PEX3: variants seen among roughly 807,000 people sequenced by gnomAD.
The protein encoded by PEX3 is peroxisomal biogenesis factor 3.
In PEX3, 30 loss-of-function variants were observed where a neutral mutation model predicts 55.8. The ratio of observed to expected loss-of-function variants is 0.54; its 90% CI spans 0.40 to 0.73. The LOEUF is 0.73. Among genes scored for constraint, PEX3 ranks in the 30% least tolerant of loss-of-function variants. PEX3 has a pLI of 0.00. For missense variants in PEX3, 351 were observed against 432.8 expected (o/e 0.81, Z 1.68); for synonymous variants, 135 against 148.4 (o/e 0.91, Z 0.66).
rs941009589 is a variant in PEX3 at position 143,459,349 on chromosome 6, C to G, written c.205+133C>G. 6.6e-6 allele frequency: 5 copies of G among 761,118 alleles called. No individual in the cohort carries two copies. The highest frequency in any genetic ancestry group is 9.2e-6 in the Non-Finnish European group (4 of 434,040). The allele number at this position is 761,118 out of a possible 1,614,324, so 47.1% of individuals were successfully genotyped here. ...TCTAGCAAGTGTTTGAATGATTTAA[C>G]TGAATTACATCATTTTAATGTGAAT... On this transcript the variant is annotated intron_variant, in intron 2 of 11. Coordinates refer to ENST00000367591, the MANE Select transcript of PEX3 (RefSeq NM_003630.3). This position sits in a 1 kb window ranked among gnomAD's most constrained non-coding sequence, Gnocchi z 4.2.
At chr6:143,456,471 C>A (rs535801425) in intron 1 of PEX3, among the ~76,000 whole-genome samples, 2 of 152,256 alleles carry the variant, frequency 1.3e-5, no homozygotes, top group East Asian at 3.9e-4. Flanking sequence ...TTTCCAAGTA[C>A]CACAAAATGG....
Position 143,489,335 on chromosome 6 carries a change from A to G in PEX3, c.*109A>G. ...TTGTTATCAAAATGCCTGATAAAAT[A>G]TATTCTTAATAAAAGTCTTCATTTC... On this transcript the variant is annotated 3_prime_UTR_variant, in exon 12 of 12. Coordinates refer to ENST00000367591, the MANE Select transcript of PEX3 (RefSeq NM_003630.3). The surrounding 1 kb of genome is among the most constrained non-coding windows in gnomAD (Gnocchi z 5.5). 2 of 688,882 alleles carry G rather than the reference A, an allele frequency of 2.9e-6. No individual in the cohort carries two copies. The highest frequency in any genetic ancestry group is 2.1e-5 in the Admixed American group (1 of 46,566). The allele number at this position is 688,882 out of a possible 1,614,324, so 42.7% of individuals were successfully genotyped here.
intron 10 of PEX3, among the ~76,000 whole-genome samples, chr6:143,484,514 G>A (rs1315985508): frequency 6.6e-6 from 1 of 151,962 alleles, no homozygotes; most frequent in African/African-American, 2.4e-5. Flanking sequence ...GAACCTGATA[G>A]ATAATGGTGT....
chr6:143,456,833 G>T (rs1052731977), intron 1 of PEX3, among the ~76,000 whole-genome samples: 1 of 152,136 alleles, frequency 6.6e-6, no homozygotes, highest in Admixed American at 6.5e-5. Context: ...ATCAAAGTGT[G>T]GCTAACTAAC....
At position 143,489,205 on chromosome 6, in the gene PEX3, C is replaced by A. The variant is rs376501875; in HGVS notation, c.1101C>A (p.Thr367=). The change falls in exon 12 of 12, where the codon ACC becomes ACA. Residue 367 remains threonine (T), a synonymous_variant. Coordinates refer to ENST00000367591, the MANE Select transcript of PEX3 (RefSeq NM_003630.3). This position sits in a 1 kb window ranked among gnomAD's most constrained non-coding sequence, Gnocchi z 5.5. The stretch of plus-strand genomic sequence containing the variant: ...CTAATGTGTATGAAGCTTTTAGTAC[C>A]CCTCAGCAACTGGAGAAATGATTTT... ...FAANVYEAFS[T]PQQLEK 7 of 1,598,848 alleles carry A rather than the reference C, an allele frequency of 4.4e-6. No individual in the cohort carries two copies. Among genetic ancestry groups the A allele is most frequent in the African/African-American group, 1.3e-5 (1 of 74,538 alleles).
rs1329910709 is a variant in PEX3, at chr6:143,458,806, C to A, written c.74-279C>A. Among the ~76,000 whole-genome samples, 3 of 152,194 alleles carry A rather than the reference C, an allele frequency of 2.0e-5. No individual in the cohort carries two copies. Among genetic ancestry groups the A allele is most frequent in the Non-Finnish European group, 1.5e-5 (1 of 68,030 alleles). On this transcript the variant is annotated intron_variant, in intron 1 of 11. Transcript: ENST00000367591. This position sits in a 1 kb window ranked among gnomAD's most constrained non-coding sequence, Gnocchi z 6.1. ...CCATTGCTGGACATGTAGAATATCT[C>A]TAGTCTACTAGTAAAGGCACTGCCA...
chr6:143,488,251 CA>C lies in PEX3; in HGVS notation c.1039-891del. Among the ~76,000 whole-genome samples the C allele has an allele frequency of 6.6e-6, 1 of 152,086 alleles. No homozygotes were observed. Among genetic ancestry groups the C allele is most frequent in the Non-Finnish European group, 1.5e-5 (1 of 67,974 alleles). On this transcript the variant is annotated intron_variant, in intron 11 of 11. Transcript: ENST00000367591. This position sits in a 1 kb window ranked among gnomAD's most constrained non-coding sequence, Gnocchi z 4.9. ...TTACTTCCCATTTCTTTGACACTCTCAGAGGCTGTCAACCTTTTCTATCATG... is the reference window on the plus strand; with the variant it reads ...TTACTTCCCATTTCTTTGACACTCTCGAGGCTGTCAACCTTTTCTATCATG...
Position 143,476,076 on chromosome 6 carries a change from G to A in PEX3, c.818+1220G>A, listed in dbSNP as rs1390683204. Among the ~76,000 whole-genome samples, 1 of 152,244 alleles carries A rather than the reference G, an allele frequency of 6.6e-6. No individual in the cohort carries two copies. Among genetic ancestry groups the A allele is most frequent in the Non-Finnish European group, 1.5e-5 (1 of 68,038 alleles). Reference sequence around the variant, plus strand: ...AAAGCAGGGTAAGGGGTTAGAGAGTGACCAGGGATGCTGTTTGTAATAGGT... The same window carrying A: ...AAAGCAGGGTAAGGGGTTAGAGAGTAACCAGGGATGCTGTTTGTAATAGGT... On this transcript the variant is annotated intron_variant, in intron 9 of 11. Coordinates refer to ENST00000367591, the MANE Select transcript of PEX3 (RefSeq NM_003630.3). The surrounding 1 kb of genome is among the most constrained non-coding windows in gnomAD (Gnocchi z 5.4).
rs971384516 is a variant in PEX3, at chr6:143,465,004, C to T, written c.287+2007C>T. On this transcript the variant is annotated intron_variant, in intron 3 of 11. Transcript: ENST00000367591. This position sits in a 1 kb window ranked among gnomAD's most constrained non-coding sequence, Gnocchi z 4.7. ...ACTGTTTTTGATATTTGGCACTCTT[C>T]TTGAAGACTGATAATGGCAATGAAG... Among the ~76,000 whole-genome samples, 2 of 151,904 alleles carry T rather than the reference C, an allele frequency of 1.3e-5. No individual in the cohort carries two copies. The highest frequency in any genetic ancestry group is 2.9e-5 in the Non-Finnish European group (2 of 67,840).
Position 143,485,863 on chromosome 6 carries a change from G to A in PEX3, c.1038+615G>A, listed in dbSNP as rs1002850635. Among the ~76,000 whole-genome samples, 2 of 152,068 alleles carry A rather than the reference G, an allele frequency of 1.3e-5. No homozygotes were observed. Among genetic ancestry groups the A allele is most frequent in the African/African-American group, 4.8e-5 (2 of 41,412 alleles). ...ATAAACAAAATAACTTTGAATTTCT[G>A]AGTCATGTGCAAACTTGGAAACTGT... On this transcript the variant is annotated intron_variant, in intron 11 of 11. Transcript: ENST00000367591. The surrounding 1 kb of genome is among the most constrained non-coding windows in gnomAD (Gnocchi z 5.6).
chr6:143,455,183 TTTC>T (rs1779826696), intron 1 of PEX3, among the ~76,000 whole-genome samples: 1 of 149,676 alleles, frequency 6.7e-6, no homozygotes, highest in East Asian at 2.0e-4. Context: ...TTTCTTTTCT[TTTC>T]TTTTCTTTTC....
rs1486323920 is a variant in PEX3, at chr6:143,471,178, A to G, written c.456+93A>G. 7 of 1,170,564 alleles carry G rather than the reference A, an allele frequency of 6.0e-6. No individual in the cohort carries two copies. The highest frequency in any genetic ancestry group is 8.8e-6 in the Non-Finnish European group (7 of 795,040). 72.5% of individuals were successfully genotyped at this position (1,170,564 alleles called of 1,614,324 possible). A position where few individuals can be genotyped will look rare whatever the true frequency, so the allele number is the denominator to read the frequency against. The stretch of plus-strand genomic sequence containing the variant: ...CCTGATAACAATTTCTATGAAATAA[A>G]TATTTTTATATTTCATGTGATTGTG... On this transcript the variant is annotated intron_variant, in intron 5 of 11. Coordinates refer to ENST00000367591, the MANE Select transcript of PEX3 (RefSeq NM_003630.3). The surrounding 1 kb of genome is among the most constrained non-coding windows in gnomAD (Gnocchi z 5.4).
chr6:143,451,744 G>C lies in PEX3; in HGVS notation c.73+629G>C, dbSNP rs1779769380. 6.6e-6 allele frequency among the ~76,000 whole-genome samples: 1 copy of C among 152,174 alleles called. No homozygotes were observed. The highest frequency in any genetic ancestry group is 2.4e-5 in the African/African-American group (1 of 41,438). ...AATCTTCCTCAGGATCTTCAAGGTT[G>C]GGATCATTGTAATCTAGCTGACATA... On this transcript the variant is annotated intron_variant, in intron 1 of 11. Transcript: ENST00000367591. This position sits in a 1 kb window ranked among gnomAD's most constrained non-coding sequence, Gnocchi z 4.1.
At position 143,484,393 on chromosome 6, in the gene PEX3, A is replaced by G. The variant is rs556999214; in HGVS notation, c.942-759A>G. ...GGGAAAGAAGTGCCAAGGATTTTCA[A>G]AAGATTTTAAGATTATTAAAAGATT... On this transcript the variant is annotated intron_variant, in intron 10 of 11. Coordinates refer to ENST00000367591, the MANE Select transcript of PEX3 (RefSeq NM_003630.3). Among the ~76,000 whole-genome samples the G allele has an allele frequency of 1.2e-3, 184 of 152,182 alleles. 1 individual carries two copies. The highest frequency in any genetic ancestry group is 4.2e-3 in the African/African-American group (173 of 41,542).
intron 8 of PEX3, among the ~76,000 whole-genome samples, chr6:143,472,845 T>C (rs995287504): frequency 2.6e-5 from 4 of 152,196 alleles, no homozygotes; most frequent in Non-Finnish European, 5.9e-5. Context: ...AGTACAAAAA[T>C]GGACTGAGGA....
At chr6:143,452,801 T>A (rs1376028786) in intron 1 of PEX3, among the ~76,000 whole-genome samples, 1 of 152,172 alleles carries the variant, frequency 6.6e-6, no homozygotes, top group South Asian at 2.1e-4. Flanking sequence ...TTTTAATTAG[T>A]CTAACTTAAG....
In PEX3 at chr6:143,471,075, A is replaced by G. The variant is rs1378128020; in HGVS notation, c.446A>G (p.Lys149Arg). ...TACCTGGATAATGCAGCAGTTGGCA[A>G]AAATGGCACTGTAAGTTTAATAGAC... ...YIYLDNAAVG[K>R]NGTTILAPPD... is the part of the protein sequence containing the mutation. The change falls in exon 5 of 12, where the codon AAA becomes AGA. Residue 149 changes from lysine to arginine, a missense_variant. By Grantham distance (26) the Lys-to-Arg change is conservative (BLOSUM62 2). Transcript: ENST00000367591. The surrounding 1 kb of genome is among the most constrained non-coding windows in gnomAD (Gnocchi z 5.4). 2 of 1,613,616 alleles carry G rather than the reference A, an allele frequency of 1.2e-6. No homozygotes were observed. Among genetic ancestry groups the G allele is most frequent in the Admixed American group, 1.7e-5 (1 of 60,022 alleles).
At position 143,485,126 on chromosome 6, in the gene PEX3, T is replaced by A; in HGVS notation, c.942-26T>A. On this transcript the variant is annotated intron_variant, in intron 10 of 11. Transcript: ENST00000367591. The surrounding 1 kb of genome is among the most constrained non-coding windows in gnomAD (Gnocchi z 5.6). ...AGTCCTGTGGGGTCATTTCAGAAAATAATCATTACTGTAATGATTTTTCAG... is the reference window on the plus strand; with the variant it reads ...AGTCCTGTGGGGTCATTTCAGAAAAAAATCATTACTGTAATGATTTTTCAG... 8.3e-6 allele frequency: 10 copies of A among 1,211,708 alleles called. No homozygotes were observed. The highest frequency in any genetic ancestry group is 1.2e-5 in the South Asian group (1 of 83,012). The allele number at this position is 1,211,708 out of a possible 1,614,324, so 75.1% of individuals were successfully genotyped here.
rs371189261 is a variant in PEX3 at position 143,451,027 on chromosome 6, C to A, written c.-16C>A. 3.8e-6 allele frequency: 6 copies of A among 1,596,804 alleles called. No individual in the cohort carries two copies. The highest frequency in any genetic ancestry group is 1.7e-5 in the Admixed American group (1 of 59,990). ...GTCCCTCACCCCTAGTCAGCCCACA[C>A]CCCTAGGGCCTAAAGATGCTGAGGT... is the stretch of plus-strand genomic sequence containing the variant. On this transcript the variant is annotated 5_prime_UTR_variant, in exon 1 of 12. Coordinates refer to ENST00000367591, the MANE Select transcript of PEX3 (RefSeq NM_003630.3). The surrounding 1 kb of genome is among the most constrained non-coding windows in gnomAD (Gnocchi z 4.1).
Sources: gnomAD v4.1 joint callset for allele counts (sites outside exome capture counted in the v4.1 genomes callset) on GRCh38, gnomAD v4.1.1 for gene constraint, Gnocchi (gnomAD v3.1) non-coding constraint, MANE v1.5 for transcripts, NCBI Gene and HGNC (gene_info 2026-07-23, HGNC 2026-07-21) for gene names.